Variants in CACNA2D1 observed in about 807,000 individuals in gnomAD.
CACNA2D1 encodes the protein voltage-dependent calcium channel subunit alpha-2/delta-1.
A neutral mutation model predicts 171.5 loss-of-function variants in CACNA2D1; 53 were observed. The observed-to-expected ratio is 0.31, with a 90% CI of 0.25 to 0.39. The LOEUF is 0.39. CACNA2D1 is among the 10% of genes least tolerant of loss of function. The pLI, the probability that CACNA2D1 is intolerant of heterozygous loss-of-function variation, is 1.00. For missense variants in CACNA2D1, 903 were observed against 1,299.8 expected (o/e 0.69, Z 4.69); for synonymous variants, 442 against 443.1 (o/e 1.00, Z 0.03).
chr7:82,368,574 C>T (rs1048727637), intron 1 of CACNA2D1, among the ~76,000 whole-genome samples: 2 of 152,152 alleles, frequency 1.3e-5, no homozygotes, highest in Admixed American at 6.6e-5. Context: ...TGTATTATTT[C>T]ACATCTTTTA....
chr7:81,952,134 G>T (rs1448197446), intron 38 of CACNA2D1, among the ~76,000 whole-genome samples: 1 of 151,008 alleles, frequency 6.6e-6, no homozygotes, highest in Non-Finnish European at 1.5e-5. Context: ...ATCATTTTTT[G>T]AGAACTGTCT....
chr7:81,989,889 G>C (rs1797352099), intron 21 of CACNA2D1, among the ~76,000 whole-genome samples: 1 of 152,140 alleles, frequency 6.6e-6, no homozygotes, highest in East Asian at 1.9e-4. Flanking sequence ...AAGGGAGAAG[G>C]GATTGATGGA....
intron 1 of CACNA2D1, among the ~76,000 whole-genome samples, chr7:82,394,120 G>A (rs376985258): frequency 6.6e-6 from 1 of 152,166 alleles, no homozygotes; most frequent in East Asian, 1.9e-4. Flanking sequence ...GGACTCAAAG[G>A]AGGGTTTTAT....
intron 3 of CACNA2D1, among the ~76,000 whole-genome samples, chr7:82,304,957 T>G (rs1346924466): frequency 6.6e-6 from 1 of 152,180 alleles, no homozygotes; most frequent in Non-Finnish European, 1.5e-5. Context: ...TCTATGCATG[T>G]AACAAAATAT....
At chr7:82,424,381 T>A (rs768703545) in intron 1 of CACNA2D1, among the ~76,000 whole-genome samples, 7 of 152,200 alleles carry the variant, frequency 4.6e-5, no homozygotes, top group Non-Finnish European at 1.0e-4. Context: ...ACAGAACTCA[T>A]AGCTATTCAC....
chr7:82,407,609 T>C (rs1442644592), intron 1 of CACNA2D1, among the ~76,000 whole-genome samples: 3 of 152,006 alleles, frequency 2.0e-5, no homozygotes, highest in Non-Finnish European at 4.4e-5. Context: ...AGCATTGACA[T>C]ACAGTTGGAA....
chr7:82,146,311 C>CGT (rs113820868), intron 4 of CACNA2D1, among the ~76,000 whole-genome samples: 32,656 of 134,576 alleles, frequency 0.24, 4,926 homozygotes, highest in East Asian at 0.37. Context: ...TATATATATA[C>CGT]GTGTGTGTGT....
chr7:82,207,393 A>G (rs954746285), intron 3 of CACNA2D1, among the ~76,000 whole-genome samples: 6 of 152,182 alleles, frequency 3.9e-5, no homozygotes, highest in African/African-American at 1.4e-4. Context: ...GAATCATTGT[A>G]TGGGACAAAT....
intron 10 of CACNA2D1, among the ~76,000 whole-genome samples, chr7:82,059,765 G>A (rs1343499814): frequency 2.0e-5 from 3 of 151,266 alleles, no homozygotes; most frequent in African/African-American, 7.3e-5. Context: ...AACAATGATA[G>A]ACTGGATTAA....
intron 3 of CACNA2D1, among the ~76,000 whole-genome samples, chr7:82,240,786 G>C (rs1804165689): frequency 6.6e-6 from 1 of 152,028 alleles, no homozygotes; most frequent in Admixed American, 6.6e-5. Context: ...GGCCAACATG[G>C]TGAAACCCTG....
intron 3 of CACNA2D1, among the ~76,000 whole-genome samples, chr7:82,282,295 C>G (rs1205731611): frequency 6.6e-6 from 1 of 152,122 alleles, no homozygotes; most frequent in Non-Finnish European, 1.5e-5. Context: ...CAGATTCTGT[C>G]TCTAAAATAT....
chr7:82,136,452 A>G (rs941733553), intron 5 of CACNA2D1, among the ~76,000 whole-genome samples, 183 bp downstream of exon 5: 4 of 152,118 alleles, frequency 2.6e-5, no homozygotes, highest in Middle Eastern at 3.4e-3. Context: ...ACTTAGGAAG[A>G]TGCCAAGAAT....
chr7:82,061,246 G>A (rs1365043628), intron 9 of CACNA2D1, among the ~76,000 whole-genome samples: 2 of 152,096 alleles, frequency 1.3e-5, no homozygotes, highest in Non-Finnish European at 2.9e-5. Context: ...AAGAGTCTAT[G>A]TCTCAGCCAT....
intron 12 of CACNA2D1, among the ~76,000 whole-genome samples, chr7:82,022,262 A>G (rs1315339509): frequency 6.8e-6 from 1 of 146,230 alleles, no homozygotes; most frequent in Non-Finnish European, 1.5e-5. Flanking sequence ...CGTGCATAAA[A>G]CTTATCTTTT....
At chr7:82,041,220 A>C (rs1803928278) in intron 10 of CACNA2D1, among the ~76,000 whole-genome samples, 3 of 152,236 alleles carry the variant, frequency 2.0e-5, no homozygotes, top group East Asian at 1.9e-4. Context: ...AAGCATAAGA[A>C]GACTGGTGTT....
intron 3 of CACNA2D1, among the ~76,000 whole-genome samples, chr7:82,292,064 T>C (rs1811710861): frequency 6.6e-6 from 1 of 152,026 alleles, no homozygotes; most frequent in South Asian, 2.1e-4. Context: ...TGGCAACTTT[T>C]AGGTAGTTCT....
In CACNA2D1 at chr7:81,950,106, A is replaced by G. The variant is rs1792348052; in HGVS notation, c.*286T>C. The G allele has an allele frequency of 2.3e-6, 1 of 435,640 alleles. No individual in the cohort carries two copies. Among genetic ancestry groups the G allele is most frequent in the Non-Finnish European group, 4.1e-6 (1 of 241,748 alleles). 27.0% of individuals were successfully genotyped at this position (435,640 alleles called of 1,614,324 possible). A position where few individuals can be genotyped will look rare whatever the true frequency, so the allele number is the denominator to read the frequency against. On this transcript the variant is annotated 3_prime_UTR_variant, in exon 39 of 39. Coordinates refer to ENST00000356860, the MANE Select transcript of CACNA2D1 (RefSeq NM_000722.4). ...GGAACCCTTTCACATGTAATCACCA[A>G]CAATGCAACAACAAACTCCCAAATT...
At position 82,009,464 on chromosome 7, in the gene CACNA2D1, A is replaced by G. The variant is rs80016296; in HGVS notation, c.1363-1708T>C. Among the ~76,000 whole-genome samples, 249 of 152,248 alleles carry G rather than the reference A, an allele frequency of 1.6e-3. 8 individuals carry two copies. The East Asian group carries it at 0.044, about 27-fold the overall frequency. ...CCTCCCACCTCAATAAAGTCAGGCT[A>G]TAGATTAATTCGTAAAACTGGTATC... On this transcript the variant is annotated intron_variant, in intron 15 of 38. Transcript: ENST00000356860.
chr7:81,963,953 T>C (rs1794436007), intron 34 of CACNA2D1, 103 bp downstream of exon 34: 2 of 900,886 alleles, frequency 2.2e-6, no homozygotes, highest in Non-Finnish European at 3.6e-6. Context: ...TTAACTCCCT[T>C]AATAAAAATT....
Sources: allele counts gnomAD v4.1 joint callset (sites outside exome capture counted in the v4.1 genomes callset), GRCh38; gene constraint gnomAD v4.1.1; transcripts MANE v1.5; gene names NCBI Gene and HGNC (gene_info 2026-07-23, HGNC 2026-07-21).